The following DTL variants were observed in gnomAD, a reference collection of about 807,000 sequenced individuals.
DTL encodes denticleless protein homolog.
DTL carries 46 observed loss-of-function variants against 87.0 expected under a neutral mutation model. The observed-to-expected ratio is 0.53, with a 90% CI of 0.42 to 0.68. DTL has a LOEUF of 0.68. DTL is among the 30% of genes least tolerant of loss of function. The pLI is 0.00. For missense variants in DTL, 737 were observed against 869.4 expected, an observed-to-expected ratio of 0.85 and a Z score of 1.91; for synonymous variants, 308 against 311.2, an observed-to-expected ratio of 0.99 and a Z score of 0.11.
chr1:212,058,528 C>T (rs1266452832), intron 5 of DTL, among the ~76,000 whole-genome samples: 3 of 151,866 alleles, frequency 2.0e-5, no homozygotes, highest in Admixed American at 1.3e-4. Flanking sequence ...CATACCAAAA[C>T]CCATGGGATA....
intron 13 of DTL, among the ~76,000 whole-genome samples, chr1:212,088,110 C>T (rs1655182918): frequency 6.6e-6 from 1 of 152,140 alleles, no homozygotes; most frequent in Non-Finnish European, 1.5e-5. Context: ...TTCAATGGGA[C>T]TGGACCTGTA....
intron 13 of DTL, among the ~76,000 whole-genome samples, chr1:212,094,443 C>G (rs898728851): frequency 1.3e-5 from 2 of 152,176 alleles, no homozygotes; most frequent in Non-Finnish European, 1.5e-5. Context: ...GTTCTCTGTT[C>G]TATTGCATTG....
intron 5 of DTL, among the ~76,000 whole-genome samples, chr1:212,054,654 G>T (rs988425006): frequency 6.6e-6 from 1 of 151,960 alleles, no homozygotes; most frequent in African/African-American, 2.4e-5. Context: ...AATTAGCCGG[G>T]TGTGGTGACA....
chr1:212,062,741 A>G (rs1654368126), intron 5 of DTL, 143 bp from the exon 6 acceptor site: 1 of 591,882 alleles, frequency 1.7e-6, no homozygotes, highest in Non-Finnish European at 3.0e-6. Context: ...TTTGTTATTG[A>G]GCCATATATT....
intron 13 of DTL, among the ~76,000 whole-genome samples, chr1:212,083,961 A>G (rs1044022571): frequency 6.6e-6 from 1 of 152,160 alleles, no homozygotes; most frequent in Non-Finnish European, 1.5e-5. Context: ...CTTATCTTTA[A>G]GCTTGAGTTT....
intron 1 of DTL, among the ~76,000 whole-genome samples, chr1:212,041,671 A>ATT (rs369950280): frequency 2.0e-5 from 3 of 149,040 alleles, no homozygotes; most frequent in Non-Finnish European, 4.5e-5. Flanking sequence ...CGCCTGGCTA[A>ATT]TTTTTTTTTT....
chr1:212,090,619 G>A (rs886210949), intron 13 of DTL, among the ~76,000 whole-genome samples: 1 of 152,170 alleles, frequency 6.6e-6, no homozygotes, highest in Non-Finnish European at 1.5e-5. Context: ...TTTGCCTGAA[G>A]TACTTGCCAT....
intron 1 of DTL, among the ~76,000 whole-genome samples, chr1:212,038,324 A>G (rs1457788282): frequency 2.6e-5 from 4 of 152,254 alleles, no homozygotes; most frequent in South Asian, 2.1e-4. Context: ...ATTCATTTCT[A>G]TAAAAGCTGT....
At chr1:212,060,063 G>GA (rs1314683412) in intron 5 of DTL, among the ~76,000 whole-genome samples, 5 of 152,002 alleles carry the variant, frequency 3.3e-5, no homozygotes, top group Non-Finnish European at 7.4e-5. Context: ...TCATGGATGG[G>GA]AAAAAATTAT....
At chr1:212,089,566 T>C (rs576565393) in intron 13 of DTL, among the ~76,000 whole-genome samples, 1 of 152,238 alleles carries the variant, frequency 6.6e-6, no homozygotes, top group Non-Finnish European at 1.5e-5. Flanking sequence ...TCTTCCCCTC[T>C]GTACTGGTTG....
intron 10 of DTL, among the ~76,000 whole-genome samples, chr1:212,068,980 T>A (rs959184883): frequency 2.0e-5 from 3 of 152,210 alleles, no homozygotes; most frequent in African/African-American, 7.2e-5. Context: ...TCTCAATTTT[T>A]TATTTAATAA....
intron 13 of DTL, among the ~76,000 whole-genome samples, chr1:212,083,549 T>C (rs1655044499): frequency 6.6e-6 from 1 of 152,086 alleles, no homozygotes; most frequent in South Asian, 2.1e-4. Context: ...ATTAAGATAA[T>C]GGAAGATTTC....
intron 13 of DTL, among the ~76,000 whole-genome samples, chr1:212,091,770 A>G (rs1245858394): frequency 2.6e-5 from 4 of 152,216 alleles, no homozygotes; most frequent in African/African-American, 9.7e-5. Flanking sequence ...ATAACGTACT[A>G]TGTACTTGAA....
In DTL at chr1:212,042,112, A is replaced by G. The variant is rs562052781; in HGVS notation, c.53-881A>G. ...GATTGTAAACTCAGTGTTTCCTCCA[A>G]TGCTTATTGAACATTTGGTTTTCAG... On this transcript the variant is annotated intron_variant, in intron 1 of 14. Coordinates refer to ENST00000366991, the MANE Select transcript of DTL (RefSeq NM_016448.4). Among the ~76,000 whole-genome samples the G allele has an allele frequency of 1.1e-4, 17 of 152,270 alleles. No homozygotes were observed. In the South Asian group the frequency reaches 2.3e-3, roughly 20 times the overall value.
intron 7 of DTL, among the ~76,000 whole-genome samples, chr1:212,065,300 G>C (rs1654458693): frequency 6.6e-6 from 1 of 151,884 alleles, no homozygotes; most frequent in Admixed American, 6.6e-5. Flanking sequence ...TAAAGAATTA[G>C]ATTGAATTAA....
At chr1:212,101,413 C>T (rs939701031) in intron 14 of DTL, among the ~76,000 whole-genome samples, 1 of 152,158 alleles carries the variant, frequency 6.6e-6, no homozygotes, top group African/African-American at 2.4e-5. Context: ...TTGACCAAAG[C>T]CTTCATCATG....
At chr1:212,036,069 A>C (rs567798044) in intron 1 of DTL, 127 bp downstream of exon 1, 1 of 856,678 alleles carries the variant, frequency 1.2e-6, no homozygotes, top group African/African-American at 1.7e-5. Context: ...GGCAAGGGTA[A>C]ATTAGTGTTA....
intron 13 of DTL, among the ~76,000 whole-genome samples, chr1:212,093,730 C>G (rs1409674496): frequency 6.6e-6 from 1 of 152,174 alleles, no homozygotes; most frequent in Non-Finnish European, 1.5e-5. Context: ...CAACATCCAG[C>G]CACCATGTGT....
chr1:212,048,173 TG>T (rs1667861409), intron 5 of DTL, among the ~76,000 whole-genome samples: 1 of 152,134 alleles, frequency 6.6e-6, no homozygotes, highest in African/African-American at 2.4e-5. Flanking sequence ...TTGGTTTAAA[TG>T]GCCTGTTTTT....
Sources: gnomAD v4.1 joint callset for allele counts (sites outside exome capture counted in the v4.1 genomes callset) on GRCh38, gnomAD v4.1.1 for gene constraint, MANE v1.5 for transcripts, NCBI Gene and HGNC (gene_info 2026-07-23, HGNC 2026-07-21) for gene names.